FAXDC2: variants seen among roughly 807,000 people sequenced by gnomAD.
FAXDC2 encodes fatty acid hydroxylase domain containing 2.
FAXDC2 carries 41 observed loss-of-function variants against 40.9 expected under a neutral mutation model. The ratio of observed to expected loss-of-function variants is 1.00; its 90% confidence interval spans 0.78 to 1.30. The LOEUF (loss-of-function observed/expected upper bound fraction) is 1.30, where lower values mean the gene tolerates loss of function less well. Among genes scored for constraint, FAXDC2 ranks in the 50% most tolerant of loss-of-function variants. FAXDC2 has a pLI of 0.00. For missense variants in FAXDC2, 390 were observed against 408.8 expected (o/e 0.95, Z 0.40); for synonymous variants, 157 against 149.3 (o/e 1.05, Z -0.38).
At chr5:154,841,084 T>TGAGAGCAGGCACCAGGA (rs963556589) in intron 1 of FAXDC2, among the ~76,000 whole-genome samples, 3 of 150,686 alleles carry the variant, frequency 2.0e-5, no homozygotes, top group Non-Finnish European at 4.5e-5. Flanking sequence ...CTGTCTGACT[T>TGAGAGCAGGCACCAGGA]GAGAGCAGGC....
chr5:154,842,508 G>T (rs1443347374), intron 1 of FAXDC2, among the ~76,000 whole-genome samples: 129 of 102,354 alleles, frequency 1.3e-3, no homozygotes, highest in African/African-American at 4.4e-3. Flanking sequence ...TCAGCCCTTT[G>T]TGTGTTTTTT....
At chr5:154,820,629 AC>A (rs1759862010) in intron 8 of FAXDC2, 157 bp from the exon 9 acceptor site, 1 of 575,754 alleles carries the variant, frequency 1.7e-6, no homozygotes, top group Admixed American at 3.7e-5. Context: ...GGGAGTTGCT[AC>A]CAATGCATCT....
chr5:154,832,369 G>A (rs1192161784), intron 4 of FAXDC2, among the ~76,000 whole-genome samples: 1 of 151,912 alleles, frequency 6.6e-6, no homozygotes, highest in African/African-American at 2.4e-5. Context: ...GCCCGCCACC[G>A]CGCCCGACTA....
intron 2 of FAXDC2, among the ~76,000 whole-genome samples, chr5:154,837,589 C>G (rs1400980925): frequency 1.3e-5 from 2 of 151,562 alleles, no homozygotes; most frequent in African/African-American, 2.4e-5. Flanking sequence ...TTTGATCAAA[C>G]CAAATTAAGT....
At chr5:154,843,652 A>G (rs1208483108) in intron 1 of FAXDC2, among the ~76,000 whole-genome samples, 2 of 152,228 alleles carry the variant, frequency 1.3e-5, no homozygotes, top group Non-Finnish European at 2.9e-5. Context: ...ATTTTAGCTT[A>G]TCCAAAGAAT....
intron 5 of FAXDC2, chr5:154,830,283 T>A (rs1760155683): frequency 6.5e-6 from 1 of 153,168 alleles, no homozygotes; most frequent in Non-Finnish European, 1.5e-5. Context: ...TATCATGGAT[T>A]TGCCCTGGTG....
intron 5 of FAXDC2, among the ~76,000 whole-genome samples, chr5:154,825,667 A>AAAAAAAAAAAAAAAAAAAAAGT (rs1760013375): frequency 1.4e-5 from 2 of 147,824 alleles, no homozygotes. Context: ...AAAAAAAAAA[A>AAAAAAAAAAAAAAAAAAAAAGT]AGCAGTAATA....
At chr5:154,846,103 G>C (rs1013587529) in intron 1 of FAXDC2, among the ~76,000 whole-genome samples, 4 of 151,822 alleles carry the variant, frequency 2.6e-5, no homozygotes, top group African/African-American at 9.7e-5. Context: ...CGCCCAGCCT[G>C]GACACATATT....
rs747398703 is a variant in FAXDC2 at position 154,820,349 on chromosome 5, C to G, written c.969G>C (p.Glu323Asp). 5.6e-6 allele frequency: 9 copies of G among 1,612,880 alleles called. No homozygotes were observed. The South Asian group carries it at 6.6e-5, about 12-fold the overall frequency. The change falls in exon 9 of 9, where the codon GAG becomes GAC. Residue 323 changes from glutamate to aspartate, a missense_variant. Physicochemically the swap from Glu to Asp is conservative, Grantham distance 45. Transcript: ENST00000326080. The stretch of plus-strand genomic sequence containing the variant: ...TCCTCTTTGGGGAGTCTGGGATGCT[C>G]TCAGAGAGCGGGGTGAAGCCCAGCA... ...VLLLGFTPLS[E>D]SIPDSPKRME
chr5:154,823,663 G>C, intron 5 of FAXDC2, 71 bp from the exon 6 acceptor site: 1 of 1,275,806 alleles, frequency 7.8e-7, no homozygotes, highest in Non-Finnish European at 1.1e-6. Flanking sequence ...CCTGCTTACA[G>C]GAGGCCCTCA....
intron 1 of FAXDC2, among the ~76,000 whole-genome samples, chr5:154,846,152 G>A (rs1184875917): frequency 1.3e-5 from 2 of 151,904 alleles, no homozygotes; most frequent in Non-Finnish European, 2.9e-5. Flanking sequence ...TATACCAACT[G>A]AGACTACAAA....
At chr5:154,840,372 C>T (rs1760449280) in intron 1 of FAXDC2, among the ~76,000 whole-genome samples, 1 of 151,936 alleles carries the variant, frequency 6.6e-6, no homozygotes, top group Non-Finnish European at 1.5e-5. Flanking sequence ...TGAAATTACA[C>T]CCATGAACCC....
chr5:154,833,617 G>T (rs963199327), intron 4 of FAXDC2, among the ~76,000 whole-genome samples: 8 of 152,016 alleles, frequency 5.3e-5, no homozygotes, highest in African/African-American at 1.4e-4. Context: ...GCCTCCCAAA[G>T]TGTTGGGATT....
At chr5:154,834,769 T>A in intron 3 of FAXDC2, 41 bp from the exon 4 acceptor site, 4 of 1,597,932 alleles carry the variant, frequency 2.5e-6, no homozygotes, top group Non-Finnish European at 3.4e-6. Flanking sequence ...GACTAGTGGG[T>A]GGACAGCTCC....
At chr5:154,834,420 CT>C (rs1413304042) in intron 4 of FAXDC2, among the ~76,000 whole-genome samples, 1 of 152,158 alleles carries the variant, frequency 6.6e-6, no homozygotes, top group African/African-American at 2.4e-5. Context: ...GGAGTCTTAA[CT>C]TCTCAGCTTC....
intron 4 of FAXDC2, among the ~76,000 whole-genome samples, chr5:154,833,145 T>C (rs1380101246): frequency 6.6e-6 from 1 of 151,990 alleles, no homozygotes; most frequent in East Asian, 1.9e-4. Flanking sequence ...CAAGCGATGC[T>C]TGTGCCTCAG....
At chr5:154,823,666 G>T in intron 5 of FAXDC2, 74 bp from the exon 6 acceptor site, 1 of 1,248,360 alleles carries the variant, frequency 8.0e-7, no homozygotes, top group South Asian at 1.3e-5. Context: ...GCTTACAGGA[G>T]GCCCTCACTC....
In FAXDC2 at chr5:154,821,290, G is replaced by A. The variant is rs1329600040; in HGVS notation, c.815C>T (p.Ser272Leu). Residue 272 changes from serine (S) to leucine (L), a missense_variant, in exon 8 of 9, where the codon TCG becomes TTG. By Grantham distance (145) the Ser-to-Leu change is moderately radical. Coordinates refer to ENST00000326080, the MANE Select transcript of FAXDC2 (RefSeq NM_032385.5). The stretch of plus-strand genomic sequence containing the variant: ...ATGGTGGTAGTCGTGGAATTCAGGC[G>A]AAGGCAGGAAGGGAAGGTGGTAGCC... ...HCGYHLPFLP[S>L]PEFHDYHHLK... is the part of the protein sequence containing the mutation. The A allele has an allele frequency of 3.1e-6, 5 of 1,611,814 alleles. No individual in the cohort carries two copies. Among genetic ancestry groups the A allele is most frequent in the South Asian group, 1.1e-5 (1 of 90,906 alleles).
rs1313001799 is a variant in FAXDC2, at chr5:154,847,718, T to G, written c.-1+2765A>C. ...GTTGGCCAGGCTGGTCTTGAACTCC[T>G]GACCTCAGGTGATACACCCACCTTG... On this transcript the variant is annotated intron_variant, in intron 1 of 8. Transcript: ENST00000326080. Among the ~76,000 whole-genome samples, 5 of 151,834 alleles carry G rather than the reference T, an allele frequency of 3.3e-5. No individual in the cohort carries two copies. In the East Asian group the frequency reaches 9.7e-4, roughly 30 times the overall value.
Sources: gnomAD v4.1 joint callset for allele counts (sites outside exome capture counted in the v4.1 genomes callset) on GRCh38, gnomAD v4.1.1 for gene constraint, MANE v1.5 for transcripts, NCBI Gene and HGNC (gene_info 2026-07-23, HGNC 2026-07-21) for gene names.